The following MSRB3 variants were observed in gnomAD, a reference collection of about 807,000 sequenced individuals.
MSRB3 encodes methionine sulfoxide reductase B3.
In MSRB3, 13 loss-of-function variants were observed where a neutral mutation model predicts 21.0. The ratio of observed to expected loss-of-function variants is 0.62; its 90% CI spans 0.40 to 0.98. The LOEUF (loss-of-function observed/expected upper bound fraction) is 0.98. Among genes scored for constraint, MSRB3 ranks in the 50% least tolerant of loss-of-function variants. MSRB3 has a pLI of 0.00. For synonymous variants in MSRB3, 87 were observed against 88.6 expected, an observed-to-expected ratio of 0.98 and a Z score of 0.10; for missense variants, 199 against 230.3, an observed-to-expected ratio of 0.86 and a Z score of 0.88.
In MSRB3 at chr12:65,308,559, G is replaced by A; in HGVS notation, c.-21G>A. On this transcript the variant is annotated 5_prime_UTR_variant, in exon 2 of 7. Transcript: ENST00000308259. ...GCCCCTGTTCTTTGCTTCTCGTTTTGTTGGTGAAGATATCACAGTGATGTC... is the reference window on the plus strand; with the variant it reads ...GCCCCTGTTCTTTGCTTCTCGTTTTATTGGTGAAGATATCACAGTGATGTC... 6.2e-7 allele frequency: 1 copy of A among 1,613,684 alleles called. No individual in the cohort carries two copies. The highest frequency in any genetic ancestry group is 2.2e-5 in the East Asian group (1 of 44,870).
intron 2 of MSRB3, among the ~76,000 whole-genome samples, chr12:65,316,814 T>C (rs957397274): frequency 2.0e-5 from 3 of 152,142 alleles, no homozygotes; most frequent in African/African-American, 4.8e-5. Context: ...GTGAGAAGCA[T>C]TGTGCTTCTT....
chr12:65,409,582 A>G (rs112157347), intron 5 of MSRB3, among the ~76,000 whole-genome samples: 2,221 of 152,258 alleles, frequency 0.015, 51 homozygotes, highest in African/African-American at 0.05. Flanking sequence ...TTATGACTGT[A>G]TAATTTTACC....
intron 6 of MSRB3, among the ~76,000 whole-genome samples, chr12:65,456,929 T>C (rs1182143116): frequency 1.3e-5 from 2 of 152,200 alleles, no homozygotes; most frequent in Non-Finnish European, 2.9e-5. Context: ...TTCATTTCAA[T>C]TTCTCTGTCT....
intron 4 of MSRB3, among the ~76,000 whole-genome samples, chr12:65,344,485 A>G (rs1876355689): frequency 1.3e-5 from 2 of 152,030 alleles, no homozygotes; most frequent in Admixed American, 1.3e-4. Flanking sequence ...GCCTACATCC[A>G]GAGCACTGTG....
At chr12:65,365,109 A>G (rs571793447) in intron 4 of MSRB3, among the ~76,000 whole-genome samples, 6 of 151,206 alleles carry the variant, frequency 4.0e-5, no homozygotes, top group African/African-American at 7.3e-5. Context: ...TAGGTATTCT[A>G]TAGACATTTT....
chr12:65,375,192 C>G (rs757796742), intron 5 of MSRB3, among the ~76,000 whole-genome samples: 2 of 152,136 alleles, frequency 1.3e-5, no homozygotes, highest in Non-Finnish European at 2.9e-5. Flanking sequence ...GGGGACACGG[C>G]TCTTCATCCC....
chr12:65,399,834 G>A (rs140221467), intron 5 of MSRB3, among the ~76,000 whole-genome samples: 2,736 of 152,220 alleles, frequency 0.018, 92 homozygotes, highest in African/African-American at 0.063. Context: ...TTTATCAAAG[G>A]CCTTTTCTGC....
chr12:65,408,707 A>G (rs761745091), intron 5 of MSRB3, among the ~76,000 whole-genome samples: 5 of 152,096 alleles, frequency 3.3e-5, no homozygotes, highest in Non-Finnish European at 5.9e-5. Flanking sequence ...ACCCTTCCCC[A>G]TTTGATGAGA....
In MSRB3 at chr12:65,422,407, TATATATATATATATATATATA is replaced by T. The variant is rs1565885050; in HGVS notation, c.293-31320_293-31300del. 2.2e-4 allele frequency among the ~76,000 whole-genome samples: 8 copies of T among 35,796 alleles called. No individual in the cohort carries two copies. The South Asian group carries it at 4.1e-3, about 18-fold the overall frequency. 23.5% of individuals were successfully genotyped at this position (35,796 alleles called of 152,430 possible). ...TACATAGTATATATATATATATATA[TATATATATATATATATATATA>T]TATTTATTTATTTATTTATGGGGTA... On this transcript the variant is annotated intron_variant, in intron 5 of 6. Transcript: ENST00000308259.
Position 65,466,062 on chromosome 12 carries a change from T to TG in MSRB3, c.*2742dup, listed in dbSNP as rs1883558142. The TG allele has an allele frequency of 6.6e-6, 1 of 152,142 alleles. No homozygotes were observed. Among genetic ancestry groups the TG allele is most frequent in the Non-Finnish European group, 1.5e-5 (1 of 68,016 alleles). The allele number at this position is 152,142 out of a possible 1,614,324, so 9.4% of individuals were successfully genotyped here. On this transcript the variant is annotated 3_prime_UTR_variant, in exon 7 of 7. Transcript: ENST00000308259. Reference sequence around the variant, plus strand: ...AGGCCTCTTCCCTCTCCACAGAGACTGGATTGTCATTGTTCCTTCATTTAT... The same window carrying TG: ...AGGCCTCTTCCCTCTCCACAGAGACTGGGATTGTCATTGTTCCTTCATTTAT...
Position 65,464,796 on chromosome 12 carries a change from G to A in MSRB3, c.*1474G>A, listed in dbSNP as rs1883493188. The A allele has an allele frequency of 6.6e-6, 1 of 152,158 alleles. No homozygotes were observed. The allele number at this position is 152,158 out of a possible 1,614,324, so 9.4% of individuals were successfully genotyped here. On this transcript the variant is annotated 3_prime_UTR_variant, in exon 7 of 7. Transcript: ENST00000308259. The stretch of plus-strand genomic sequence containing the variant: ...GTGGCCCTTGTGCACAGAGCTCCAG[G>A]TGACCTCTGGAGAGACATGGGCATT...
chr12:65,425,669 T>C (rs570077271), intron 5 of MSRB3, among the ~76,000 whole-genome samples: 6 of 152,326 alleles, frequency 3.9e-5, no homozygotes, highest in Admixed American at 1.3e-4. Context: ...TTTTATACTT[T>C]TGCTGTTACA....
At chr12:65,403,883 C>T (rs937207328) in intron 5 of MSRB3, among the ~76,000 whole-genome samples, 2 of 152,204 alleles carry the variant, frequency 1.3e-5, no homozygotes, top group Non-Finnish European at 2.9e-5. Context: ...CTTCTGCTTC[C>T]TGGGTCAAGT....
chr12:65,405,289 C>T (rs1050045903), intron 5 of MSRB3, among the ~76,000 whole-genome samples: 2 of 152,032 alleles, frequency 1.3e-5, no homozygotes, highest in Non-Finnish European at 2.9e-5. Context: ...TAAGATTCCA[C>T]ATATAAGTGA....
chr12:65,405,128 T>G (rs1219887090), intron 5 of MSRB3, among the ~76,000 whole-genome samples: 1 of 151,952 alleles, frequency 6.6e-6, no homozygotes, highest in Non-Finnish European at 1.5e-5. Context: ...TTTTTTTGTA[T>G]TTTTCGTAGA....
chr12:65,461,920 A>G (rs973635695), intron 6 of MSRB3, among the ~76,000 whole-genome samples: 2 of 152,028 alleles, frequency 1.3e-5, no homozygotes, highest in African/African-American at 4.8e-5. Flanking sequence ...TCTTCTGACC[A>G]CCCTATCTAA....
At chr12:65,368,182 G>A (rs1878121242) in intron 4 of MSRB3, among the ~76,000 whole-genome samples, 1 of 152,198 alleles carries the variant, frequency 6.6e-6, no homozygotes, top group Admixed American at 6.5e-5. Context: ...AGTCTTGTCT[G>A]TCAATGTAAC....
intron 5 of MSRB3, among the ~76,000 whole-genome samples, chr12:65,369,684 A>C (rs1033674988): frequency 6.6e-6 from 1 of 152,148 alleles, no homozygotes; most frequent in Admixed American, 6.5e-5. Flanking sequence ...TGTGCTTCAA[A>C]GTTTCTGATG....
intron 1 of MSRB3, chr12:65,285,644 G>A (rs536726785): frequency 6.6e-6 from 1 of 152,338 alleles, no homozygotes; most frequent in East Asian, 1.9e-4. Flanking sequence ...GGCGTAGTGA[G>A]ACCCATCTCT....
Sources: gnomAD v4.1 joint callset for allele counts (sites outside exome capture counted in the v4.1 genomes callset) on GRCh38, gnomAD v4.1.1 for gene constraint, MANE v1.5 for transcripts, NCBI Gene and HGNC (gene_info 2026-07-23, HGNC 2026-07-21) for gene names.